The following DPP6 variants were observed in gnomAD, a reference collection of about 807,000 sequenced individuals.
The protein encoded by DPP6 is A-type potassium channel modulatory protein DPP6.
A neutral mutation model predicts 122.6 loss-of-function variants in DPP6; 69 were observed. The ratio of observed to expected loss-of-function variants is 0.56; its 90% confidence interval spans 0.46 to 0.69. The LOEUF (loss-of-function observed/expected upper bound fraction) is 0.69, where lower values mean the gene tolerates loss of function less well. Among genes scored for constraint, DPP6 ranks in the 30% least tolerant of loss-of-function variants. The pLI is 0.00. For missense variants in DPP6, 928 were observed against 1,116.9 expected (o/e 0.83, Z 2.41); for synonymous variants, 418 against 433.1 (o/e 0.97, Z 0.43).
At chr7:153,775,481 C>T in the DPP6 span, among the ~76,000 whole-genome samples, 1 of 151,504 alleles carries the variant, frequency 6.6e-6, no homozygotes, top group South Asian at 2.1e-4. Flanking sequence ...CCAAAAGATC[C>T]ACTCCTGTTT....
intron 1 of DPP6, among the ~76,000 whole-genome samples, chr7:154,426,303 G>A (rs1817905881): frequency 6.6e-6 from 1 of 152,126 alleles, no homozygotes; most frequent in African/African-American, 2.4e-5. Flanking sequence ...GTAGGGAATG[G>A]GAAATTAGCC....
intron 3 of DPP6, among the ~76,000 whole-genome samples, chr7:154,512,608 A>T (rs952936605): frequency 5.3e-5 from 8 of 152,338 alleles, no homozygotes; most frequent in Non-Finnish European, 1.5e-5. Flanking sequence ...GGCGATGAGA[A>T]CTATCAGACC....
chr7:153,803,196 G>C, the DPP6 span, among the ~76,000 whole-genome samples: 2 of 150,622 alleles, frequency 1.3e-5, no homozygotes, highest in African/African-American at 4.9e-5. Context: ...CCCTAGCCTG[G>C]GATATTTATC....
At chr7:154,549,802 G>A (rs1256872138) in intron 4 of DPP6, among the ~76,000 whole-genome samples, 1 of 152,142 alleles carries the variant, frequency 6.6e-6, no homozygotes, top group Non-Finnish European at 1.5e-5. Context: ...GAGGTTACAT[G>A]CCAATCTCCT....
intron 1 of DPP6, among the ~76,000 whole-genome samples, chr7:154,061,845 C>T (rs1440009878): frequency 7.6e-6 from 1 of 131,612 alleles, no homozygotes; most frequent in Admixed American, 7.3e-5. Flanking sequence ...CTCTTAGGAT[C>T]CCCATCGCTG....
intron 6 of DPP6, among the ~76,000 whole-genome samples, chr7:154,651,489 C>G (rs550546126): frequency 6.6e-6 from 1 of 152,098 alleles, no homozygotes; most frequent in African/African-American, 2.4e-5. Context: ...GTGGGCTAAA[C>G]AAAACCCCAA....
intron 7 of DPP6, among the ~76,000 whole-genome samples, chr7:154,724,497 C>A (rs1456768315): frequency 2.0e-5 from 3 of 152,218 alleles, no homozygotes; most frequent in Admixed American, 1.3e-4. Flanking sequence ...CATTTGAGGC[C>A]TGGCTCCCTT....
chr7:153,767,742 T>A, the DPP6 span, among the ~76,000 whole-genome samples: 1 of 152,188 alleles, frequency 6.6e-6, no homozygotes, highest in Non-Finnish European at 1.5e-5. Flanking sequence ...TGATGTCTTA[T>A]TCTGGACAAG....
At chr7:154,317,402 C>T (rs1008090666) in intron 1 of DPP6, among the ~76,000 whole-genome samples, 2 of 152,166 alleles carry the variant, frequency 1.3e-5, no homozygotes, top group African/African-American at 4.8e-5. Flanking sequence ...AGAGTTGTAG[C>T]AATTAGTCTG....
At position 154,388,058 on chromosome 7, in the gene DPP6, T is replaced by G. The variant is rs533273360; in HGVS notation, c.244-58156T>G. 4.6e-5 allele frequency among the ~76,000 whole-genome samples: 7 copies of G among 152,264 alleles called. 1 individual carries two copies. The South Asian group carries it at 8.3e-4, about 18-fold the overall frequency. On this transcript the variant is annotated intron_variant, in intron 1 of 25. Transcript: ENST00000377770. Reference sequence around the variant, plus strand: ...AGGCTCAGCCTGTAATCCCATCACTTTGGAAGACCAAGGGGGGAGTTTCAC... The same window carrying G: ...AGGCTCAGCCTGTAATCCCATCACTGTGGAAGACCAAGGGGGGAGTTTCAC...
chr7:154,464,592 G>A (rs548674010), intron 2 of DPP6, among the ~76,000 whole-genome samples: 2 of 152,158 alleles, frequency 1.3e-5, no homozygotes, highest in Non-Finnish European at 2.9e-5. Flanking sequence ...TGAAGCCATA[G>A]AGAGAGGAAA....
intron 2 of DPP6, among the ~76,000 whole-genome samples, chr7:154,466,820 C>T (rs1483765771): frequency 6.6e-6 from 1 of 152,238 alleles, no homozygotes; most frequent in Non-Finnish European, 1.5e-5. Context: ...ATATAAAGCA[C>T]ATTCATTCAC....
chr7:154,728,471 C>T (rs1842178414), intron 8 of DPP6, among the ~76,000 whole-genome samples: 1 of 152,192 alleles, frequency 6.6e-6, no homozygotes, highest in South Asian at 2.1e-4. Context: ...GGGGGAAGCT[C>T]TCTTCTTAAA....
chr7:153,854,597 G>A, the DPP6 span, among the ~76,000 whole-genome samples: 6 of 123,912 alleles, frequency 4.8e-5, no homozygotes, highest in Admixed American at 8.6e-5. Flanking sequence ...AACAGGTGCT[G>A]GAGAGGATGT....
intron 7 of DPP6, among the ~76,000 whole-genome samples, chr7:154,675,599 G>A (rs1043521790): frequency 5.3e-5 from 8 of 152,138 alleles, no homozygotes; most frequent in South Asian, 2.1e-4. Flanking sequence ...GTTTGTTTAC[G>A]GATTCAATCA....
chr7:154,342,748 A>G (rs1455879656), intron 1 of DPP6, among the ~76,000 whole-genome samples: 2 of 152,196 alleles, frequency 1.3e-5, no homozygotes, highest in Non-Finnish European at 2.9e-5. Context: ...GAATTAGATC[A>G]CTTTTTTCCT....
intron 1 of DPP6, among the ~76,000 whole-genome samples, chr7:154,355,896 T>C (rs1426205889): frequency 6.6e-6 from 1 of 152,232 alleles, no homozygotes; most frequent in African/African-American, 2.4e-5. Flanking sequence ...GTGGTTGAGA[T>C]TGCATTCTAT....
chr7:154,328,178 C>T (rs1192335006), intron 1 of DPP6, among the ~76,000 whole-genome samples: 2 of 152,188 alleles, frequency 1.3e-5, no homozygotes, highest in African/African-American at 4.8e-5. Flanking sequence ...GCTTGGCCCA[C>T]ACCCTGAGTG....
chr7:154,588,760 C>T (rs955403172), intron 5 of DPP6: 6 of 152,184 alleles, frequency 3.9e-5, no homozygotes, highest in Admixed American at 1.3e-4. Flanking sequence ...AGCTTGTAAT[C>T]ACTCTTATTG....
Sources: allele counts gnomAD v4.1 joint callset (sites outside exome capture counted in the v4.1 genomes callset), GRCh38; gene constraint gnomAD v4.1.1; transcripts MANE v1.5; gene names NCBI Gene and HGNC (gene_info 2026-07-23, HGNC 2026-07-21).